The following LRRC37A2 variants were observed in gnomAD, a reference collection of about 807,000 sequenced individuals.
LRRC37A2 encodes leucine rich repeat containing 37 member A2, also known as leucine-rich repeat-containing protein 37A2.
In LRRC37A2, 9 loss-of-function variants were observed where a neutral mutation model predicts 68.8. The ratio of observed to expected loss-of-function variants is 0.13; its 90% CI spans 0.08 to 0.23. The LOEUF (loss-of-function observed/expected upper bound fraction) is 0.23, where lower values mean the gene tolerates loss of function less well. LRRC37A2 is among the 10% of genes least tolerant of loss of function. The pLI is 1.00. For missense variants in LRRC37A2, 168 were observed against 950.4 expected, an observed-to-expected ratio of 0.18 and a Z score of 10.82; for synonymous variants, 63 against 367.6, an observed-to-expected ratio of 0.17 and a Z score of 9.48.
At chr17:46,846,838 T>A in the LRRC37A2 span, among the ~76,000 whole-genome samples, 21 of 152,160 alleles carry the variant, frequency 1.4e-4, no homozygotes, top group African/African-American at 5.1e-4. Flanking sequence ...GGAAGTGCCA[T>A]GGGGAGTGGT....
At chr17:46,832,461 C>T in the LRRC37A2 span, among the ~76,000 whole-genome samples, 4 of 152,158 alleles carry the variant, frequency 2.6e-5, no homozygotes, top group South Asian at 8.3e-4. Flanking sequence ...TCCTGCCAGG[C>T]CTGTTGCCAG....
the LRRC37A2 span, among the ~76,000 whole-genome samples, chr17:46,494,569 T>G: frequency 1.3e-5 from 2 of 151,138 alleles, 1 homozygote; most frequent in African/African-American, 4.9e-5. Flanking sequence ...TTGTTTCGAT[T>G]ATTAGAAAAA....
the LRRC37A2 span, among the ~76,000 whole-genome samples, chr17:46,496,618 A>AC: frequency 1.2e-5 from 1 of 85,930 alleles, no homozygotes. Context: ...AAAAAAAAAA[A>AC]AACAAAACAA....
At chr17:46,968,126 GTTCC>G in the LRRC37A2 span, among the ~76,000 whole-genome samples, 1 of 152,028 alleles carries the variant, frequency 6.6e-6, no homozygotes, top group African/African-American at 2.4e-5. Context: ...CCTCACTGCT[GTTCC>G]TTCTCTTCAG....
At chr17:46,555,328 T>A (rs1264451507) in exon 14 of LRRC37A2, 1 of 1,518,478 alleles carries the variant, frequency 6.6e-7, no homozygotes, top group East Asian at 2.5e-5. Flanking sequence ...TTTAAAGATA[T>A]GTACAAACCT....
chr17:46,392,431 C>T, the LRRC37A2 span, among the ~76,000 whole-genome samples: 3,258 of 29,342 alleles, frequency 0.11, 146 homozygotes, highest in Non-Finnish European at 0.17. Context: ...CTTTCTTTCT[C>T]TCTTTCTTTC....
At chr17:47,017,397 C>T in the LRRC37A2 span, 33 of 1,479,962 alleles carry the variant, frequency 2.2e-5, no homozygotes, top group East Asian at 2.0e-4. Flanking sequence ...CCATTTCCCA[C>T]GGGAATCTCC....
In LRRC37A2 at chr17:46,548,440, TC is replaced by T. The variant is rs2056419917; in HGVS notation, c.3302del (p.Ser1101Ter). 1 of 915,854 alleles carries T rather than the reference TC, an allele frequency of 1.1e-6. No homozygotes were observed. The highest frequency in any genetic ancestry group is 4.2e-5 in the African/African-American group (1 of 23,760). 56.7% of individuals were successfully genotyped at this position (915,854 alleles called of 1,614,324 possible). ...CTCAGACAGCAGTGGCATCAACTTG[TC>T]AGGCTTTGGGAGTGAGCAGCTAGAC... On this transcript the variant is annotated frameshift_variant, in exon 10 of 15. Transcript: ENST00000576629. LOFTEE classifies it high-confidence loss of function.
At chr17:46,786,604 T>C in the LRRC37A2 span, among the ~76,000 whole-genome samples, 3 of 152,242 alleles carry the variant, frequency 2.0e-5, no homozygotes, top group Admixed American at 6.5e-5. Context: ...TTCTCCACTT[T>C]GCTGCGCAGT....
At chr17:46,922,475 A>G in the LRRC37A2 span, among the ~76,000 whole-genome samples, 785 of 152,320 alleles carry the variant, frequency 5.2e-3, 5 homozygotes, top group African/African-American at 0.017. Flanking sequence ...TAGAACTTAA[A>G]GTATAATAAT....
At chr17:46,745,377 T>C in the LRRC37A2 span, among the ~76,000 whole-genome samples, 1 of 152,212 alleles carries the variant, frequency 6.6e-6, no homozygotes, top group Non-Finnish European at 1.5e-5. Flanking sequence ...AGACCCAAAC[T>C]TGCCTGGGTC....
chr17:46,780,011 C>T, the LRRC37A2 span, among the ~76,000 whole-genome samples: 1 of 152,234 alleles, frequency 6.6e-6, no homozygotes, highest in East Asian at 1.9e-4. Flanking sequence ...CCTACCTCTG[C>T]CTCCCAAAGT....
At chr17:46,598,658 C>A in the LRRC37A2 span, among the ~76,000 whole-genome samples, 2 of 151,972 alleles carry the variant, frequency 1.3e-5, no homozygotes. Context: ...TTGACTAGGG[C>A]AGGCCAGAAT....
chr17:46,965,845 G>C, the LRRC37A2 span, among the ~76,000 whole-genome samples: 4 of 148,400 alleles, frequency 2.7e-5, no homozygotes, highest in East Asian at 5.9e-4. Context: ...TGCCCAGGTT[G>C]GTCTTGAACT....
At chr17:46,880,844 C>T in the LRRC37A2 span, among the ~76,000 whole-genome samples, 1 of 152,190 alleles carries the variant, frequency 6.6e-6, no homozygotes, top group Non-Finnish European at 1.5e-5. Context: ...CCAATTCAGA[C>T]AGGCCAGAGC....
the LRRC37A2 span, chr17:46,851,698 C>T: frequency 3.1e-5 from 41 of 1,310,684 alleles, no homozygotes; most frequent in African/African-American, 7.7e-5. The surrounding 1 kb of genome is among the most constrained non-coding windows in gnomAD (Gnocchi z 4.3). Context: ...TGCCCGCCGC[C>T]GCCGCCTCCT....
At chr17:46,872,723 A>T in the LRRC37A2 span, 1 of 1,460,772 alleles carries the variant, frequency 6.8e-7, no homozygotes, top group Non-Finnish European at 9.2e-7. Context: ...CAGTTCCGGC[A>T]TGAGCGCTGG....
chr17:46,907,492 C>A, the LRRC37A2 span, among the ~76,000 whole-genome samples: 2 of 151,672 alleles, frequency 1.3e-5, no homozygotes, highest in African/African-American at 2.4e-5. Context: ...TCTCTCCAGC[C>A]CCAGCTCTTG....
the LRRC37A2 span, chr17:47,018,847 C>T: frequency 2.0e-6 from 3 of 1,520,240 alleles, no homozygotes; most frequent in East Asian, 4.5e-5. Context: ...CTGGGGTTTA[C>T]CATCACTCCA....
Sources: gnomAD v4.1 joint callset for allele counts (sites outside exome capture counted in the v4.1 genomes callset) on GRCh38, gnomAD v4.1.1 for gene constraint, Gnocchi (gnomAD v3.1) non-coding constraint, MANE v1.5 for transcripts, NCBI Gene and HGNC (gene_info 2026-07-23, HGNC 2026-07-21) for gene names.